OSBPL10: variants seen among roughly 807,000 people sequenced by gnomAD.
OSBPL10 encodes the protein oxysterol-binding protein-related protein 10.
In OSBPL10, 49 loss-of-function variants were observed where a neutral mutation model predicts 81.7. That is an observed-to-expected ratio of 0.60 (90% CI 0.48 to 0.76). The LOEUF is 0.76. OSBPL10 is among the 30% of genes least tolerant of loss of function. The pLI is 0.00. For missense variants in OSBPL10, 923 were observed against 987.8 expected, an observed-to-expected ratio of 0.93 and a Z score of 0.88; for synonymous variants, 419 against 383.6, an observed-to-expected ratio of 1.09 and a Z score of -1.08.
intron 2 of OSBPL10, among the ~76,000 whole-genome samples, chr3:32,003,667 G>A (rs906401560): frequency 4.6e-5 from 7 of 152,142 alleles, no homozygotes; most frequent in Non-Finnish European, 1.0e-4. Context: ...TTCACTGGCC[G>A]AAACCAATCA....
intron 1 of OSBPL10, among the ~76,000 whole-genome samples, chr3:31,947,628 C>G (rs1285782111): frequency 3.3e-5 from 5 of 152,080 alleles, no homozygotes; most frequent in African/African-American, 9.7e-5. Context: ...TGGTGGAAGT[C>G]TAAAGATGAC....
intron 4 of OSBPL10, among the ~76,000 whole-genome samples, chr3:31,761,095 T>C (rs1698023038): frequency 6.6e-6 from 1 of 152,122 alleles, no homozygotes; most frequent in East Asian, 1.9e-4. Context: ...TCTTAAACAA[T>C]TTCAGAGGCA....
Position 31,965,828 on chromosome 3 carries a change from A to ATATATAATATATATTATCTATT in OSBPL10, c.281+15070_281+15071insAATAGATAATATATATTATATA, listed in dbSNP as rs1559535386. ...TATTTATATAATATATATTATATAA[A>ATATATAATATATATTATCTATT]TATATAATATATATTATATAAAAAG... On this transcript the variant is annotated intron_variant, in intron 1 of 11. Transcript: ENST00000396556. Among the ~76,000 whole-genome samples, 374 of 82,398 alleles carry ATATATAATATATATTATCTATT rather than the reference A, an allele frequency of 4.5e-3. 19 individuals carry two copies. Among genetic ancestry groups the ATATATAATATATATTATCTATT allele is most frequent in the South Asian group, 8.6e-3 (25 of 2,892 alleles). 54.1% of individuals were successfully genotyped at this position (82,398 alleles called of 152,430 possible).
At chr3:31,993,074 A>G (rs568879264) in intron 2 of OSBPL10, among the ~76,000 whole-genome samples, 3 of 152,330 alleles carry the variant, frequency 2.0e-5, no homozygotes, top group Admixed American at 6.5e-5. Context: ...GGTGAGCCAA[A>G]GACGGGAAAA....
chr3:31,784,230 T>C (rs1194186342), intron 4 of OSBPL10, among the ~76,000 whole-genome samples: 1 of 151,532 alleles, frequency 6.6e-6, no homozygotes, highest in Non-Finnish European at 1.5e-5. Flanking sequence ...GGTGTGGTGG[T>C]ATGCGCCTTT....
At chr3:31,994,199 G>A (rs902005194) in intron 2 of OSBPL10, among the ~76,000 whole-genome samples, 2 of 152,194 alleles carry the variant, frequency 1.3e-5, no homozygotes, top group African/African-American at 4.8e-5. Flanking sequence ...AGAGTTGAGA[G>A]TAGTGATTGC....
In OSBPL10 at chr3:31,923,211, T is replaced by G. The variant is rs547808282; in HGVS notation, c.282-43381A>C. 3.3e-5 allele frequency among the ~76,000 whole-genome samples: 5 copies of G among 152,010 alleles called. No homozygotes were observed. The South Asian group carries it at 6.3e-4, about 19-fold the overall frequency. On this transcript the variant is annotated intron_variant, in intron 1 of 11. Transcript: ENST00000396556. The stretch of plus-strand genomic sequence containing the variant: ...CAAAAAGCTGAGCTATCCAGACTGG[T>G]GGAGGAAAGGGGTGGGGAGCTAAAC...
intron 1 of OSBPL10, among the ~76,000 whole-genome samples, chr3:31,932,711 T>C (rs905001951): frequency 1.5e-4 from 23 of 152,012 alleles, no homozygotes; most frequent in African/African-American, 5.3e-4. Flanking sequence ...TCCCCCTCCT[T>C]CTTCTTGGTG....
intron 1 of OSBPL10, among the ~76,000 whole-genome samples, chr3:31,892,467 C>A (rs1275959258): frequency 3.3e-5 from 5 of 152,084 alleles, no homozygotes; most frequent in African/African-American, 7.2e-5. Flanking sequence ...AGCAGAAAGG[C>A]GGCTGCAGAG....
chr3:31,804,685 G>A (rs1462573733), intron 4 of OSBPL10, among the ~76,000 whole-genome samples: 1 of 152,164 alleles, frequency 6.6e-6, no homozygotes, highest in Non-Finnish European at 1.5e-5. Context: ...TACCAAACGC[G>A]CTTCATGAGG....
rs1273866338 is a variant in OSBPL10, at chr3:31,981,238, T to G, written c.-59A>C. 2.3e-6 allele frequency: 3 copies of G among 1,326,198 alleles called. No homozygotes were observed. The highest frequency in any genetic ancestry group is 3.2e-5 in the East Asian group (1 of 31,304). 82.2% of individuals were successfully genotyped at this position (1,326,198 alleles called of 1,614,324 possible). A position where few individuals can be genotyped will look rare whatever the true frequency, so the allele number is the denominator to read the frequency against. ...GCGGTGGCGGCCCCGGCACGGCGGCTGCTGCTGCTGCTACAGCTCCGGACG... is the reference window on the plus strand; with the variant it reads ...GCGGTGGCGGCCCCGGCACGGCGGCGGCTGCTGCTGCTACAGCTCCGGACG... On this transcript the variant is annotated 5_prime_UTR_variant, in exon 1 of 12. Transcript: ENST00000396556. The surrounding 1 kb of genome is among the most constrained non-coding windows in gnomAD (Gnocchi z 4.5).
At chr3:32,040,109 G>T (rs1324483410) in intron 2 of OSBPL10, among the ~76,000 whole-genome samples, 1 of 152,062 alleles carries the variant, frequency 6.6e-6, no homozygotes, top group African/African-American at 2.4e-5. Flanking sequence ...AGTATACTCA[G>T]AGAATTGAAA....
intron 10 of OSBPL10, among the ~76,000 whole-genome samples, chr3:31,665,301 C>T (rs1248046247): frequency 6.6e-6 from 1 of 152,206 alleles, no homozygotes; most frequent in East Asian, 1.9e-4. Context: ...ATTTCACAGA[C>T]AAGGAACTGT....
chr3:31,871,668 G>A (rs1701329732), intron 3 of OSBPL10, among the ~76,000 whole-genome samples: 1 of 152,154 alleles, frequency 6.6e-6, no homozygotes, highest in African/African-American at 2.4e-5. Context: ...CCCATGAGTT[G>A]GAGAACAGCC....
At chr3:31,997,279 A>G (rs1190280581) in intron 2 of OSBPL10, among the ~76,000 whole-genome samples, 1 of 151,366 alleles carries the variant, frequency 6.6e-6, no homozygotes, top group Non-Finnish European at 1.5e-5. Context: ...TTTTTTTTCA[A>G]GATGGAGTCT....
chr3:31,792,663 G>GGT lies in OSBPL10; in HGVS notation c.729+37375_729+37376dup, dbSNP rs1004521437. ...CTATCCAGACACACTGTGTGTGTGTGGTGTGTGTGTGACAGTTGGTGTTGT... is the reference window on the plus strand; with the variant it reads ...CTATCCAGACACACTGTGTGTGTGTGGTGTGTGTGTGTGACAGTTGGTGTTGT... On this transcript the variant is annotated intron_variant, in intron 4 of 11. Transcript: ENST00000396556. Among the ~76,000 whole-genome samples the GGT allele has an allele frequency of 4.6e-5, 7 of 150,762 alleles. No individual in the cohort carries two copies. The South Asian group carries it at 1.1e-3, about 23-fold the overall frequency.
At chr3:31,858,118 T>C (rs1700973026) in intron 3 of OSBPL10, among the ~76,000 whole-genome samples, 1 of 151,394 alleles carries the variant, frequency 6.6e-6, no homozygotes, top group South Asian at 2.1e-4. Flanking sequence ...CATCTCAGCC[T>C]CCCGAGTATC....
intron 3 of OSBPL10, among the ~76,000 whole-genome samples, chr3:31,842,279 T>C (rs7611111): frequency 0.26 from 40,069 of 152,142 alleles, 5,733 homozygotes; most frequent in East Asian, 0.51. Context: ...GGACTTCTCT[T>C]GAAGTATCTC....
rs1191399671 is a variant in OSBPL10, at chr3:31,832,107, G to A, written c.538-1876C>T. On this transcript the variant is annotated intron_variant, in intron 3 of 11. Coordinates refer to ENST00000396556, the MANE Select transcript of OSBPL10 (RefSeq NM_017784.5). ...AAATATCTCTCAGCTATACAGTTAAGTGAAGGAAGGCACATAATTGATCTA... is the reference window on the plus strand; with the variant it reads ...AAATATCTCTCAGCTATACAGTTAAATGAAGGAAGGCACATAATTGATCTA... 2.0e-5 allele frequency among the ~76,000 whole-genome samples: 3 copies of A among 152,218 alleles called. No homozygotes were observed. The East Asian group carries it at 5.8e-4, about 29-fold the overall frequency.
Sources: allele counts gnomAD v4.1 joint callset (sites outside exome capture counted in the v4.1 genomes callset), GRCh38; gene constraint gnomAD v4.1.1; non-coding constraint Gnocchi (gnomAD v3.1); transcripts MANE v1.5; gene names NCBI Gene and HGNC (gene_info 2026-07-23, HGNC 2026-07-21).